CTNNA3: variants seen among roughly 807,000 people sequenced by gnomAD.
The protein encoded by CTNNA3 is catenin alpha-3.
Under a neutral mutation model 95.7 loss-of-function variants are expected in CTNNA3, and 76 were observed. The observed-to-expected ratio is 0.79, with a 90% CI of 0.66 to 0.96. CTNNA3 has a LOEUF of 0.96. CTNNA3 is among the 40% of genes least tolerant of loss of function. The pLI is 0.00. For missense variants in CTNNA3, 1,191 were observed against 1,089.8 expected (o/e 1.09, Z -1.31); for synonymous variants, 431 against 374.4 (o/e 1.15, Z -1.74).
intron 10 of CTNNA3, among the ~76,000 whole-genome samples, chr10:66,522,265 C>T (rs1841093274): frequency 6.6e-6 from 1 of 152,024 alleles, no homozygotes; most frequent in Non-Finnish European, 1.5e-5. Flanking sequence ...ATCATTCTTC[C>T]ACTCAAACTT....
intron 12 of CTNNA3, among the ~76,000 whole-genome samples, chr10:66,330,826 G>A (rs1404685781): frequency 7.3e-6 from 1 of 137,430 alleles, no homozygotes; most frequent in Non-Finnish European, 1.6e-5. Context: ...GGCCAGTGAT[G>A]ATGAGCATTT....
chr10:66,477,965 T>A (rs1839385911), intron 11 of CTNNA3, among the ~76,000 whole-genome samples: 1 of 152,018 alleles, frequency 6.6e-6, no homozygotes, highest in South Asian at 2.1e-4. Flanking sequence ...CTTGTGTGAG[T>A]CAGACACTGC....
At chr10:66,577,955 T>C (rs1036924270) in intron 10 of CTNNA3, among the ~76,000 whole-genome samples, 3 of 151,930 alleles carry the variant, frequency 2.0e-5, no homozygotes, top group African/African-American at 7.2e-5. Flanking sequence ...ATCCATGGAA[T>C]AGGAAGAATA....
intron 15 of CTNNA3, among the ~76,000 whole-genome samples, chr10:65,990,194 G>T (rs1285019098): frequency 1.3e-5 from 2 of 151,842 alleles, no homozygotes; most frequent in Non-Finnish European, 2.9e-5. Context: ...AAAAATAGGG[G>T]TGCAGGTATC....
intron 10 of CTNNA3, among the ~76,000 whole-genome samples, chr10:66,551,453 T>C (rs1488525816): frequency 6.6e-6 from 1 of 152,134 alleles, no homozygotes; most frequent in Non-Finnish European, 1.5e-5. Flanking sequence ...TCTTTGGTTA[T>C]ACTGTTTGGG....
At chr10:67,522,539 A>G (rs1840019360) in intron 4 of CTNNA3, among the ~76,000 whole-genome samples, 1 of 152,110 alleles carries the variant, frequency 6.6e-6, no homozygotes. Flanking sequence ...TGATCAAAGC[A>G]TATGTGGCAT....
At chr10:66,259,111 A>G (rs949346432) in intron 13 of CTNNA3, among the ~76,000 whole-genome samples, 2 of 152,082 alleles carry the variant, frequency 1.3e-5, no homozygotes, top group African/African-American at 4.8e-5. Context: ...TTAAGTTTAT[A>G]TCATCCAGGT....
chr10:67,759,835 A>T (rs940992816), intron 1 of CTNNA3, among the ~76,000 whole-genome samples: 13 of 152,184 alleles, frequency 8.5e-5, no homozygotes, highest in African/African-American at 2.9e-4. Flanking sequence ...AGCAAGTCTT[A>T]CAACCATAGG....
At chr10:66,095,260 T>C (rs1175068801) in intron 14 of CTNNA3, among the ~76,000 whole-genome samples, 25 of 151,944 alleles carry the variant, frequency 1.6e-4, no homozygotes, top group Non-Finnish European at 3.5e-4. Flanking sequence ...TGTTTAAAAA[T>C]AGATAGAGGA....
At chr10:66,025,866 T>G (rs939214121) in intron 15 of CTNNA3, among the ~76,000 whole-genome samples, 15 of 152,168 alleles carry the variant, frequency 9.9e-5, no homozygotes, top group Non-Finnish European at 1.8e-4. Context: ...GTGAATTAGC[T>G]GCAACAAAAT....
At chr10:66,731,988 C>G (rs538082899) in intron 9 of CTNNA3, among the ~76,000 whole-genome samples, 1 of 152,260 alleles carries the variant, frequency 6.6e-6, no homozygotes, top group South Asian at 2.1e-4. Flanking sequence ...AGAAAATTAG[C>G]TCTTATGCTC....
intron 15 of CTNNA3, among the ~76,000 whole-genome samples, chr10:66,063,022 T>A (rs2080234560): frequency 6.6e-6 from 1 of 152,000 alleles, no homozygotes; most frequent in African/African-American, 2.4e-5. Context: ...GAAAAAATAC[T>A]ACAAGGAGGT....
chr10:67,583,678 C>T (rs918292533), intron 3 of CTNNA3, among the ~76,000 whole-genome samples: 4 of 152,136 alleles, frequency 2.6e-5, no homozygotes, highest in Non-Finnish European at 4.4e-5. Context: ...CCATTCTCCC[C>T]GTCACTTTCA....
chr10:66,225,859 C>T (rs1247390224), intron 13 of CTNNA3, among the ~76,000 whole-genome samples: 2 of 151,852 alleles, frequency 1.3e-5, no homozygotes, highest in Middle Eastern at 3.2e-3. Context: ...TTATTAGCCA[C>T]TCGTATGTCT....
At chr10:67,600,304 T>C (rs1157563468) in intron 3 of CTNNA3, among the ~76,000 whole-genome samples, 3 of 152,150 alleles carry the variant, frequency 2.0e-5, no homozygotes, top group Admixed American at 2.0e-4. Flanking sequence ...TTGAAGTAGT[T>C]ATGTTAACAA....
chr10:66,206,467 T>TCATA lies in CTNNA3; in HGVS notation c.1884+73999_1884+74002dup, dbSNP rs200538712. 2.9e-3 allele frequency among the ~76,000 whole-genome samples: 438 copies of TCATA among 151,958 alleles called. 1 individual carries two copies. The highest frequency in any genetic ancestry group is 0.01 in the African/African-American group (427 of 41,512). On this transcript the variant is annotated intron_variant, in intron 13 of 17. Transcript: ENST00000433211. ...TCCAGTGATAATATCACCCATAGAT[T>TCATA]CATACACTTGAGTATTTCAGAGTGT...
In CTNNA3 at chr10:67,296,762, C is replaced by G. The variant is rs376612607; in HGVS notation, c.580-76892G>C. Among the ~76,000 whole-genome samples, 19 of 151,660 alleles carry G rather than the reference C, an allele frequency of 1.3e-4. No individual in the cohort carries two copies. In the East Asian group the frequency reaches 3.1e-3, roughly 25 times the overall value. On this transcript the variant is annotated intron_variant, in intron 5 of 17. Coordinates refer to ENST00000433211, the MANE Select transcript of CTNNA3 (RefSeq NM_013266.4). ...CAGCCTGGCCAATGTGGTGAAACCC[C>G]GTCTTTACTAAAAATACAAAAAGTA...
At chr10:67,136,194 C>T (rs1860301545) in intron 7 of CTNNA3, among the ~76,000 whole-genome samples, 2 of 151,998 alleles carry the variant, frequency 1.3e-5, no homozygotes, top group Admixed American at 1.3e-4. Context: ...CCAGTCATTA[C>T]ATATTCCATT....
At chr10:66,794,871 T>C (rs906158149) in intron 7 of CTNNA3, among the ~76,000 whole-genome samples, 3 of 86,718 alleles carry the variant, frequency 3.5e-5, no homozygotes, top group African/African-American at 1.7e-4. Context: ...CAGGACTCGA[T>C]TGCATCTCAC....
Sources: gnomAD v4.1 joint callset for allele counts (sites outside exome capture counted in the v4.1 genomes callset) on GRCh38, gnomAD v4.1.1 for gene constraint, MANE v1.5 for transcripts, NCBI Gene and HGNC (gene_info 2026-07-23, HGNC 2026-07-21) for gene names.